Variants in FBXO27 observed in about 807,000 individuals in gnomAD.
FBXO27 encodes F-box only protein 27.
In FBXO27, 28 loss-of-function variants were observed where a neutral mutation model predicts 28.3. That is an observed-to-expected ratio of 0.99 (90% CI 0.73 to 1.36). The LOEUF (loss-of-function observed/expected upper bound fraction) is 1.36, where lower values mean the gene tolerates loss of function less well. Among genes scored for constraint, FBXO27 ranks in the 40% most tolerant of loss-of-function variants. The probability of loss-of-function intolerance (pLI) is 0.00; values close to 1 mark genes in which losing one functional copy is unlikely to be tolerated. For missense variants in FBXO27, 388 were observed against 394.1 expected, an observed-to-expected ratio of 0.98 and a Z score of 0.13; for synonymous variants, 175 against 167.3, an observed-to-expected ratio of 1.05 and a Z score of -0.36.
downstream of FBXO27, among the ~76,000 whole-genome samples, chr19:39,023,372 G>A (rs1342399843): frequency 6.6e-6 from 1 of 152,138 alleles, no homozygotes; most frequent in African/African-American, 2.4e-5. Context: ...GCCGGCAATA[G>A]ATTTAATTTC....
chr19:39,006,110 G>C (rs956808580), intron 2 of FBXO27, among the ~76,000 whole-genome samples: 1 of 152,168 alleles, frequency 6.6e-6, no homozygotes, highest in Non-Finnish European at 1.5e-5. Context: ...AAAGCAAATG[G>C]AGAGACACTG....
intron 2 of FBXO27, among the ~76,000 whole-genome samples, chr19:39,008,660 CCCT>C (rs1397446258): frequency 6.6e-6 from 1 of 152,110 alleles, no homozygotes; most frequent in Non-Finnish European, 1.5e-5. Context: ...TCTCCATCCT[CCCT>C]CCTCCTCCCT....
chr19:39,027,903 G>C (rs1372699436), intron 4 of FBXO27, among the ~76,000 whole-genome samples: 1 of 152,124 alleles, frequency 6.6e-6, no homozygotes, highest in Non-Finnish European at 1.5e-5. Context: ...TGGTCTTAGG[G>C]ATTCCATCCC....
chr19:39,019,741 T>C (rs2072836858), downstream of FBXO27, among the ~76,000 whole-genome samples: 1 of 150,848 alleles, frequency 6.6e-6, no homozygotes, highest in Non-Finnish European at 1.5e-5. Context: ...GGTTTTTTGT[T>C]TGTTTGTTTT....
chr19:39,032,093 C>T lies in FBXO27; in HGVS notation c.135G>A (p.Thr45=), dbSNP rs573209788. 1.3e-6 allele frequency: 2 copies of T among 1,532,518 alleles called. No homozygotes were observed. The highest frequency in any genetic ancestry group is 2.1e-5 in the Admixed American group (1 of 47,894). The allele number at this position is 1,532,518 out of a possible 1,614,324, so 94.9% of individuals were successfully genotyped here. A position where few individuals can be genotyped will look rare whatever the true frequency, so the allele number is the denominator to read the frequency against. ...LVVLSHVPPR[T]LLGRCRQVCR... is the part of the protein sequence containing the mutation. ...ACACTTGGCGGCAGCGCCCGAGCAG[C>T]GTGCGCGGGGGGACGTGGCTCAGCA... The change falls in exon 2 of 6, where the codon ACG becomes ACA. Residue 45 remains threonine (T), a synonymous_variant. Transcript: ENST00000292853. The surrounding 1 kb of genome is among the most constrained non-coding windows in gnomAD (Gnocchi z 4.7).
At chr19:39,011,897 C>T (rs1365023672) in intron 2 of FBXO27, among the ~76,000 whole-genome samples, 9 of 147,668 alleles carry the variant, frequency 6.1e-5, no homozygotes, top group Admixed American at 3.4e-4. Flanking sequence ...GACGCAATCT[C>T]GGCTCTCTGC....
chr19:39,016,523 G>A (rs1354446089), intron 1 of FBXO27, among the ~76,000 whole-genome samples: 1 of 151,472 alleles, frequency 6.6e-6, no homozygotes, highest in Non-Finnish European at 1.5e-5. Context: ...AGGCTGAAGT[G>A]GGAAGATAAC....
At chr19:39,031,352 C>T (rs1224562518) in intron 2 of FBXO27, 32 bp from the exon 3 acceptor site, 1 of 1,607,188 alleles carries the variant, frequency 6.2e-7, no homozygotes, top group Admixed American at 1.7e-5. Context: ...TGCCCAAGTT[C>T]CAGTCGCCCG....
intron 1 of FBXO27, among the ~76,000 whole-genome samples, chr19:39,017,356 T>C (rs1008769527): frequency 2.1e-4 from 32 of 152,146 alleles, no homozygotes; most frequent in African/African-American, 7.5e-4. Context: ...ATGATCCTCA[T>C]AGTGTATAGT....
At chr19:39,006,528 C>T (rs1003038457) in intron 2 of FBXO27, among the ~76,000 whole-genome samples, 1 of 152,050 alleles carries the variant, frequency 6.6e-6, no homozygotes, top group African/African-American at 2.4e-5. Flanking sequence ...CACTGAACAC[C>T]AGCCTGGGCA....
chr19:39,010,061 C>T (rs955338131), intron 2 of FBXO27, among the ~76,000 whole-genome samples: 1 of 152,086 alleles, frequency 6.6e-6, no homozygotes, highest in Non-Finnish European at 1.5e-5. Flanking sequence ...CCTTCTGCCT[C>T]AGCCTCCCAA....
chr19:39,015,979 G>A (rs1403959776), intron 1 of FBXO27, among the ~76,000 whole-genome samples: 1 of 152,118 alleles, frequency 6.6e-6, no homozygotes, highest in East Asian at 1.9e-4. Flanking sequence ...GGCTGAGGTG[G>A]GAGCATCTCT....
intron 4 of FBXO27, among the ~76,000 whole-genome samples, chr19:39,029,812 C>A (rs990222308): frequency 6.6e-6 from 1 of 152,104 alleles, no homozygotes; most frequent in African/African-American, 2.4e-5. Context: ...TTCTGCCAAG[C>A]CCAGGCTGTG....
chr19:39,007,066 A>AAAAAC (rs1396295488), intron 2 of FBXO27, among the ~76,000 whole-genome samples: 1 of 149,412 alleles, frequency 6.7e-6, no homozygotes, highest in African/African-American at 2.5e-5. Flanking sequence ...CCAAAAAAAA[A>AAAAAC]AAAAAAAAAA....
At chr19:39,011,260 G>GTC (rs2072792641) in intron 2 of FBXO27, among the ~76,000 whole-genome samples, 1 of 152,030 alleles carries the variant, frequency 6.6e-6, no homozygotes, top group South Asian at 2.1e-4. Flanking sequence ...GTGAAACCCC[G>GTC]TCTCTACTAA....
At chr19:39,027,120 T>A in intron 4 of FBXO27, 115 bp from the exon 5 acceptor site, 2 of 1,307,520 alleles carry the variant, frequency 1.5e-6, no homozygotes, top group Non-Finnish European at 1.1e-6. Context: ...CTAAAGAGAC[T>A]CCTGGGAGGT....
Position 39,032,284 on chromosome 19 carries a change from G to A in FBXO27, c.-26-31C>T. The stretch of plus-strand genomic sequence containing the variant: ...GGAGAGGAAGGGTCAAGGCGTCAGG[G>A]ACCAGCAGCCTCCGCGGCGCGCAGC... On this transcript the variant is annotated intron_variant, in intron 1 of 5. Transcript: ENST00000292853. This position sits in a 1 kb window ranked among gnomAD's most constrained non-coding sequence, Gnocchi z 4.7. 4.3e-6 allele frequency: 6 copies of A among 1,380,424 alleles called. No homozygotes were observed. The highest frequency in any genetic ancestry group is 4.6e-6 in the Non-Finnish European group (5 of 1,078,272). The allele number at this position is 1,380,424 out of a possible 1,614,324, so 85.5% of individuals were successfully genotyped here. A position where few individuals can be genotyped will look rare whatever the true frequency, so the allele number is the denominator to read the frequency against.
At chr19:39,008,771 A>G (rs1046808449) in intron 2 of FBXO27, among the ~76,000 whole-genome samples, 11 of 152,178 alleles carry the variant, frequency 7.2e-5, no homozygotes, top group Non-Finnish European at 1.6e-4. Flanking sequence ...TTCATTTAGC[A>G]TGTTTTCAAG....
At chr19:39,028,761 G>A (rs1320526596) in intron 4 of FBXO27, among the ~76,000 whole-genome samples, 1 of 152,100 alleles carries the variant, frequency 6.6e-6, no homozygotes, top group African/African-American at 2.4e-5. Flanking sequence ...TACTGGGGAG[G>A]CTGAGGCAGG....
Sources: gnomAD v4.1 joint callset for allele counts (sites outside exome capture counted in the v4.1 genomes callset) on GRCh38, gnomAD v4.1.1 for gene constraint, Gnocchi (gnomAD v3.1) non-coding constraint, MANE v1.5 for transcripts, NCBI Gene and HGNC (gene_info 2026-07-23, HGNC 2026-07-21) for gene names.